The following USP24 variants were observed in gnomAD, a reference collection of about 807,000 sequenced individuals.
USP24 encodes the protein ubiquitin carboxyl-terminal hydrolase 24.
A neutral mutation model predicts 361.6 loss-of-function variants in USP24; 97 were observed. The observed-to-expected ratio is 0.27, with a 90% CI of 0.23 to 0.32. The LOEUF (loss-of-function observed/expected upper bound fraction) is 0.32. USP24 is among the 10% of genes least tolerant of loss of function. The pLI is 1.00. For missense variants in USP24, 2,353 were observed against 3,165.6 expected (o/e 0.74, Z 6.16); for synonymous variants, 1,098 against 1,124.6 (o/e 0.98, Z 0.47).
intron 1 of USP24, among the ~76,000 whole-genome samples, chr1:55,204,410 A>G (rs1644652927): frequency 2.0e-5 from 3 of 152,144 alleles, no homozygotes; most frequent in Admixed American, 2.0e-4. Context: ...CAATCTACTA[A>G]TATTAAACAT....
intron 31 of USP24, among the ~76,000 whole-genome samples, chr1:55,130,808 G>A (rs936259850): frequency 6.6e-6 from 1 of 152,080 alleles, no homozygotes; most frequent in Non-Finnish European, 1.5e-5. Flanking sequence ...TTTCCTAGCA[G>A]GTAAATAAAA....
chr1:55,196,694 A>G (rs1644427964), intron 1 of USP24, among the ~76,000 whole-genome samples: 1 of 152,226 alleles, frequency 6.6e-6, no homozygotes, highest in Non-Finnish European at 1.5e-5. Flanking sequence ...TAAAATTAAC[A>G]TGTTCAAAAA....
chr1:55,107,857 A>C (rs1305919699), intron 39 of USP24, among the ~76,000 whole-genome samples: 4 of 148,494 alleles, frequency 2.7e-5, no homozygotes, highest in African/African-American at 1.0e-4. Flanking sequence ...AAAAAAAAAA[A>C]AAAAAAAAAC....
chr1:55,150,266 G>A (rs986214829), intron 16 of USP24, among the ~76,000 whole-genome samples: 2 of 152,048 alleles, frequency 1.3e-5, no homozygotes, highest in Non-Finnish European at 2.9e-5. Context: ...GTTCATAATT[G>A]TTCAAAAAAA....
In USP24 at chr1:55,148,622, T is replaced by C. The variant is rs1391928136; in HGVS notation, c.1861-52A>G. 4 of 1,325,194 alleles carry C rather than the reference T, an allele frequency of 3.0e-6. No homozygotes were observed. In the African/African-American group the frequency reaches 4.5e-5, roughly 15 times the overall value. The allele number at this position is 1,325,194 out of a possible 1,614,324, so 82.1% of individuals were successfully genotyped here. On this transcript the variant is annotated intron_variant, in intron 16 of 67. Transcript: ENST00000294383. ...TTAAATTTAGAAATAAACAGCAGAT[T>C]CATTTATTAGCTATAAAAAATTTCA...
intron 5 of USP24, among the ~76,000 whole-genome samples, chr1:55,167,646 A>G (rs1649019778): frequency 6.6e-6 from 1 of 152,186 alleles, no homozygotes; most frequent in African/African-American, 2.4e-5. Context: ...TGCAGTGTCT[A>G]GATAGTTCAC....
In USP24 at chr1:55,125,557, G is replaced by T; in HGVS notation, c.3732-9C>A. The T allele has an allele frequency of 3.1e-6, 5 of 1,606,908 alleles. No individual in the cohort carries two copies. The highest frequency in any genetic ancestry group is 4.3e-6 in the Non-Finnish European group (5 of 1,175,696). On this transcript the variant is annotated splice_polypyrimidine_tract_variant and intron_variant, in intron 33 of 67. Coordinates refer to ENST00000294383, the MANE Select transcript of USP24 (RefSeq NM_015306.3). ...GTCCGACAAGTAAAAATCTTAAAAA[G>T]AAACAGCTAGACTTATTCTGAGTCC...
intron 41 of USP24, 133 bp from the exon 42 acceptor site, chr1:55,104,153 C>G: frequency 9.4e-7 from 1 of 1,066,648 alleles, no homozygotes; most frequent in Non-Finnish European, 1.3e-6. Flanking sequence ...GGTCTAACCC[C>G]AGACATCCAG....
intron 1 of USP24, among the ~76,000 whole-genome samples, chr1:55,190,942 A>G (rs980423626): frequency 6.6e-6 from 1 of 152,204 alleles, no homozygotes; most frequent in Non-Finnish European, 1.5e-5. Context: ...TAGCCATTTG[A>G]CTACTTGAGT....
At chr1:55,211,789 C>A (rs1286756175) in intron 1 of USP24, among the ~76,000 whole-genome samples, 1 of 152,120 alleles carries the variant, frequency 6.6e-6, no homozygotes, top group African/African-American at 2.4e-5. Flanking sequence ...AAACTTAAGT[C>A]ATTTCTTTCT....
chr1:55,091,521 C>A (rs1429371381), intron 54 of USP24, among the ~76,000 whole-genome samples: 1 of 152,230 alleles, frequency 6.6e-6, no homozygotes, highest in Non-Finnish European at 1.5e-5. Flanking sequence ...CTGAACACAG[C>A]CCAAACTCCC....
intron 52 of USP24, 119 bp from the exon 53 acceptor site, chr1:55,093,035 T>A: frequency 8.3e-6 from 5 of 605,766 alleles, no homozygotes; most frequent in Non-Finnish European, 1.3e-5. Context: ...TGAATTATAA[T>A]TTATAATTCC....
intron 5 of USP24, 56 bp from the exon 6 acceptor site, chr1:55,166,659 C>G (rs1648898169): frequency 7.1e-7 from 1 of 1,409,042 alleles, no homozygotes; most frequent in Admixed American, 2.5e-5. Context: ...CCCCATTAAC[C>G]CTTACATTTC....
intron 8 of USP24, 52 bp from the exon 9 acceptor site, chr1:55,159,737 A>G: frequency 6.8e-7 from 1 of 1,464,616 alleles, no homozygotes; most frequent in African/African-American, 1.4e-5. Flanking sequence ...TCCCAAAAGT[A>G]GAGAGAGAAT....
At chr1:55,161,903 G>A (rs1383693528) in intron 8 of USP24, among the ~76,000 whole-genome samples, 1 of 151,960 alleles carries the variant, frequency 6.6e-6, no homozygotes, top group Non-Finnish European at 1.5e-5. Context: ...ATCCTGTGAA[G>A]CAAATAAGGA....
chr1:55,154,848 A>G, intron 12 of USP24, 70 bp from the exon 13 acceptor site: 1 of 1,202,712 alleles, frequency 8.3e-7, no homozygotes, highest in Non-Finnish European at 1.2e-6. Context: ...CCCCCTGGCA[A>G]CTTACAGAAG....
chr1:55,166,264 G>T (rs1462548762), intron 6 of USP24, among the ~76,000 whole-genome samples: 1 of 151,514 alleles, frequency 6.6e-6, no homozygotes, highest in Non-Finnish European at 1.5e-5. Context: ...AATAATTTAA[G>T]CAAGGAACTA....
chr1:55,092,968 T>A (rs746676028), intron 52 of USP24, 52 bp from the exon 53 acceptor site: 1 of 1,202,036 alleles, frequency 8.3e-7, no homozygotes, highest in African/African-American at 1.6e-5. Flanking sequence ...ATATTCAATA[T>A]GTGAAGGACA....
chr1:55,093,370 A>G (rs1170460528), intron 52 of USP24, among the ~76,000 whole-genome samples: 1 of 152,242 alleles, frequency 6.6e-6, no homozygotes, highest in Non-Finnish European at 1.5e-5. Flanking sequence ...GTCTGGACTG[A>G]GTAGACAGTT....
Sources: gnomAD v4.1 joint callset for allele counts (sites outside exome capture counted in the v4.1 genomes callset) on GRCh38, gnomAD v4.1.1 for gene constraint, MANE v1.5 for transcripts, NCBI Gene and HGNC (gene_info 2026-07-23, HGNC 2026-07-21) for gene names.